The following CHUK variants were observed in gnomAD, a reference collection of about 807,000 sequenced individuals.
CHUK encodes component of inhibitor of nuclear factor kappa B kinase complex.
CHUK carries 35 observed loss-of-function variants against 104.8 expected under a neutral mutation model. The ratio of observed to expected loss-of-function variants is 0.33; its 90% CI spans 0.26 to 0.44. CHUK has a LOEUF of 0.44. Ranked by LOEUF, CHUK falls within the 20% of genes least tolerant of loss-of-function variation. The pLI is 1.00. For missense variants in CHUK, 663 were observed against 902.7 expected (o/e 0.73, Z 3.40); for synonymous variants, 276 against 291.9 (o/e 0.95, Z 0.56).
chr10:100,209,499 G>T, intron 10 of CHUK, 96 bp downstream of exon 10: 1 of 763,724 alleles, frequency 1.3e-6, no homozygotes. Context: ...AAAATGTGCG[G>T]CCTCCCAAGG....
chr10:100,227,432 G>A (rs1002386364), intron 1 of CHUK, among the ~76,000 whole-genome samples: 3 of 152,050 alleles, frequency 2.0e-5, no homozygotes, highest in African/African-American at 7.2e-5. Flanking sequence ...CCCACCCAGG[G>A]ACCAAGAAAA....
In CHUK at chr10:100,189,616, C is replaced by A. The variant is rs1242485870; in HGVS notation, c.2220G>T (p.Trp740Cys). ...TGACAACTCATTCTGTTAACCAACTCCAATCAAGATTCTAAAACCAGGCAT... is the reference window on the plus strand; with the variant it reads ...TGACAACTCATTCTGTTAACCAACTACAATCAAGATTCTAAAACCAGGCAT... ...EQGNSMMNLD[W>C]SWLTE The change falls in exon 21 of 21, where the codon TGG (tryptophan) becomes TGT (cysteine). Residue 740 changes from tryptophan (W) to cysteine (C), a missense_variant. Trp to Cys is a radical substitution (Grantham distance 215). Around this residue, in one of 5 missense-constraint regions of CHUK, gnomAD observed 311 missense variants for 393.4 expected, o/e 0.79. Coordinates refer to ENST00000370397, the MANE Select transcript of CHUK (RefSeq NM_001278.5). 2 of 1,612,092 alleles carry A rather than the reference C, an allele frequency of 1.2e-6. No homozygotes were observed. Among genetic ancestry groups the A allele is most frequent in the Admixed American group, 1.7e-5 (1 of 60,018 alleles).
In CHUK at chr10:100,218,011, T is replaced by G. The variant is rs1156729041; in HGVS notation, c.917A>C (p.His306Pro). ...AAGACTAACCTTCAAATTCAAAATG[T>G]GATCCATTAATACAAAACATCTTGG... ...KQPRCFVLMDHILNLKIVHIL... is the reference protein window; with the variant it reads ...KQPRCFVLMDPILNLKIVHIL... The change falls in exon 9 of 21, where the codon CAC (histidine) becomes CCC (proline). Residue 306 changes from histidine to proline, a missense_variant. By Grantham distance (77) the His-to-Pro change is moderately conservative. Transcript: ENST00000370397. The G allele has an allele frequency of 1.2e-6, 2 of 1,614,024 alleles. No homozygotes were observed. The highest frequency in any genetic ancestry group is 1.7e-6 in the Non-Finnish European group (2 of 1,179,994).
intron 1 of CHUK, among the ~76,000 whole-genome samples, chr10:100,228,439 A>C (rs185964620): frequency 4.6e-5 from 7 of 152,298 alleles, no homozygotes; most frequent in African/African-American, 1.4e-4. Context: ...GGATCGCCTG[A>C]GGTCAGGAGT....
intron 4 of CHUK, 69 bp from the exon 5 acceptor site, chr10:100,220,745 A>G: frequency 1.0e-6 from 1 of 959,950 alleles, no homozygotes; most frequent in Non-Finnish European, 1.7e-6. Context: ...TTCACCTCAC[A>G]TTTTGTACAA....
At chr10:100,221,166 G>A (rs907181158) in intron 4 of CHUK, among the ~76,000 whole-genome samples, 1 of 152,172 alleles carries the variant, frequency 6.6e-6, no homozygotes, top group Non-Finnish European at 1.5e-5. Flanking sequence ...GCTGGGTGCG[G>A]TGGCTCACGC....
chr10:100,192,878 C>A, intron 19 of CHUK: 1 of 334,266 alleles, frequency 3.0e-6, no homozygotes, highest in Non-Finnish European at 4.4e-6. Flanking sequence ...ATCAAGGATC[C>A]CCAAAATGAT....
chr10:100,200,775 A>T lies in CHUK; in HGVS notation c.1575T>A (p.Gly525=). The T allele has an allele frequency of 2.6e-6, 4 of 1,555,644 alleles. No homozygotes were observed. Among genetic ancestry groups the T allele is most frequent in the Non-Finnish European group, 3.5e-6 (4 of 1,127,336 alleles). ...EEKAIHYAEV[G]VIGYLEDQIM... ...TCTGATCCTCCAGGTATCCAATGAC[A>T]CCAACCTAAAATATGATGAAAATAC... Residue 525 remains glycine (G), a synonymous_variant, in exon 15 of 21, where the codon GGT becomes GGA. Coordinates refer to ENST00000370397, the MANE Select transcript of CHUK (RefSeq NM_001278.5).
rs572476055 is a variant in CHUK at position 100,220,649 on chromosome 10, T to A, written c.413A>T (p.Asn138Ile). Reference protein sequence around the residue: ...IGSGIRYLHENKIIHRDLKPE... With the variant: ...IGSGIRYLHEIKIIHRDLKPE... ...TTTTAGATCTCGATGTATAATTTTG[T>A]TTTCATGCAAATATCGAATCCCAGA... is the stretch of plus-strand genomic sequence containing the variant. The change falls in exon 5 of 21, where the codon AAC (asparagine) becomes ATC (isoleucine). Residue 138 changes from asparagine (N) to isoleucine (I), a missense_variant. Asn to Ile is a moderately radical substitution (Grantham distance 149, BLOSUM62 -3). This residue lies in a region of CHUK where 200 missense variants were observed against 333.0 expected (regional missense o/e 0.60). Coordinates refer to ENST00000370397, the MANE Select transcript of CHUK (RefSeq NM_001278.5). 1 of 1,611,470 alleles carries A rather than the reference T, an allele frequency of 6.2e-7. No homozygotes were observed.
chr10:100,200,874 G>A (rs758241508), intron 14 of CHUK, 94 bp from the exon 15 acceptor site: 3 of 755,214 alleles, frequency 4.0e-6, no homozygotes, highest in East Asian at 2.5e-5. Context: ...ATGACTTGCT[G>A]CTTCATTAGA....
chr10:100,202,434 G>A (rs1845491363), intron 13 of CHUK, among the ~76,000 whole-genome samples: 1 of 152,178 alleles, frequency 6.6e-6, no homozygotes, highest in African/African-American at 2.4e-5. Context: ...CAGATACACA[G>A]GGGAGAATGC....
At chr10:100,195,265 GC>G (rs1423798562) in intron 16 of CHUK, 2 of 152,124 alleles carry the variant, frequency 1.3e-5, no homozygotes, top group Non-Finnish European at 2.9e-5. Flanking sequence ...CAATAATTAA[GC>G]CTAAATGCAA....
intron 13 of CHUK, among the ~76,000 whole-genome samples, chr10:100,204,165 G>A (rs1845535226): frequency 6.6e-6 from 1 of 152,164 alleles, no homozygotes. Flanking sequence ...TTCAACATAT[G>A]TATTTTGGGG....
chr10:100,211,968 C>T lies in CHUK; in HGVS notation c.934-2179G>A, dbSNP rs565358059. Among the ~76,000 whole-genome samples the T allele has an allele frequency of 1.7e-4, 26 of 152,038 alleles. No homozygotes were observed. The South Asian group carries it at 5.2e-3, about 30-fold the overall frequency. ...TGATCTCTCAGCTCACTACAACTTCCACCTCCTGAATTCAAGCAATTATCC... is the reference window on the plus strand; with the variant it reads ...TGATCTCTCAGCTCACTACAACTTCTACCTCCTGAATTCAAGCAATTATCC... On this transcript the variant is annotated intron_variant, in intron 9 of 20. Coordinates refer to ENST00000370397, the MANE Select transcript of CHUK (RefSeq NM_001278.5).
At chr10:100,229,370 ACGCTCAAACCCACCGC>A (rs1274675673) in intron 1 of CHUK, 42 bp downstream of exon 1, 3 of 1,274,058 alleles carry the variant, frequency 2.4e-6, no homozygotes, top group African/African-American at 1.5e-5. Context: ...TGTTCCACAG[ACGCTCAAACCCACCGC>A]CGCTCCAACC....
At chr10:100,227,645 C>T (rs1388435996) in intron 1 of CHUK, among the ~76,000 whole-genome samples, 2 of 151,890 alleles carry the variant, frequency 1.3e-5, no homozygotes, top group Non-Finnish European at 2.9e-5. Context: ...CTTAGTCCTT[C>T]ACCTTCCATT....
At chr10:100,224,583 C>T (rs1294133717) in intron 2 of CHUK, among the ~76,000 whole-genome samples, 1 of 151,358 alleles carries the variant, frequency 6.6e-6, no homozygotes, top group Non-Finnish European at 1.5e-5. Flanking sequence ...ATTACAGGCA[C>T]CCGCCACCAC....
Position 100,189,538 on chromosome 10 carries a change from C to A in CHUK, c.*60G>T, listed in dbSNP as rs2134202258. The A allele has an allele frequency of 1.4e-6, 2 of 1,387,954 alleles. No individual in the cohort carries two copies. The highest frequency in any genetic ancestry group is 2.1e-6 in the Non-Finnish European group (2 of 973,698). 86.0% of individuals were successfully genotyped at this position (1,387,954 alleles called of 1,614,324 possible). ...AGAATGGTTTCATGGGGGAAAAACA[C>A]ATTTCCAACATGTATAGCAACAACT... On this transcript the variant is annotated 3_prime_UTR_variant, in exon 21 of 21. Coordinates refer to ENST00000370397, the MANE Select transcript of CHUK (RefSeq NM_001278.5).
chr10:100,193,065 T>G (rs906507913), intron 19 of CHUK: 1 of 553,292 alleles, frequency 1.8e-6, no homozygotes, highest in Non-Finnish European at 3.2e-6. Flanking sequence ...CCAAGCACTT[T>G]ATATACATTG....
Sources: gnomAD v4.1 joint callset for allele counts (sites outside exome capture counted in the v4.1 genomes callset) on GRCh38, gnomAD v4.1.1 for gene constraint, gnomAD v4.1.1 regional missense constraint, MANE v1.5 for transcripts, NCBI Gene and HGNC (gene_info 2026-07-23, HGNC 2026-07-21) for gene names.